TM4SF19: variants seen among roughly 807,000 people sequenced by gnomAD.
TM4SF19 encodes the protein transmembrane 4 L six family member 19, also known as transmembrane 4 L6 family member 19.
A neutral mutation model predicts 21.8 loss-of-function variants in TM4SF19; 17 were observed. The ratio of observed to expected loss-of-function variants is 0.78; its 90% CI spans 0.53 to 1.17. The LOEUF is 1.17. Ranked by LOEUF, TM4SF19 falls within the 50% of genes most tolerant of loss-of-function variation. The pLI is 0.00. For missense variants in TM4SF19, 216 were observed against 252.1 expected (o/e 0.86, Z 0.97); for synonymous variants, 107 against 106.7 (o/e 1.00, Z -0.02).
chr3:196,335,572 C>T (rs1403607666), intron 1 of TM4SF19, among the ~76,000 whole-genome samples: 2 of 150,738 alleles, frequency 1.3e-5, no homozygotes, highest in East Asian at 3.9e-4. Flanking sequence ...GTGACTCCTA[C>T]CCCAGGGGCC....
At chr3:196,332,792 C>T (rs1279760973) in intron 1 of TM4SF19, among the ~76,000 whole-genome samples, 1 of 151,066 alleles carries the variant, frequency 6.6e-6, no homozygotes, top group Non-Finnish European at 1.5e-5. Context: ...GTTCAAAAGG[C>T]ATTTAATGCT....
At chr3:196,335,434 T>G (rs1577414480) in intron 1 of TM4SF19, among the ~76,000 whole-genome samples, 7 of 30,560 alleles carry the variant, frequency 2.3e-4, no homozygotes, top group Non-Finnish European at 1.8e-4. Flanking sequence ...CCTGGGAGGG[T>G]GTGGGTAGGA....
intron 1 of TM4SF19, among the ~76,000 whole-genome samples, chr3:196,333,240 A>T (rs1727596171): frequency 1.3e-5 from 2 of 152,222 alleles, no homozygotes; most frequent in African/African-American, 4.8e-5. Flanking sequence ...TTCACTGATG[A>T]TGGAGTTAGG....
chr3:196,324,196 G>A (rs1322437512), intron 4 of TM4SF19, 75 bp downstream of exon 4: 3 of 1,550,718 alleles, frequency 1.9e-6, no homozygotes, highest in Non-Finnish European at 1.8e-6. Context: ...GGAGCTTGTA[G>A]TTCGTCTGTG....
In TM4SF19 at chr3:196,338,324, C is replaced by A. The variant is rs1277411283; in HGVS notation, c.-62G>T. 1 of 152,290 alleles carries A rather than the reference C, an allele frequency of 6.6e-6. No individual in the cohort carries two copies. Among genetic ancestry groups the A allele is most frequent in the African/African-American group, 2.4e-5 (1 of 41,442 alleles). 9.4% of individuals were successfully genotyped at this position (152,290 alleles called of 1,614,324 possible). On this transcript the variant is annotated 5_prime_UTR_variant, in exon 1 of 5. Transcript: ENST00000273695. ...AGAACCTGGAGAAAGGCTGCGTCTT[C>A]AGAGTGGGGCTCCACTCCTCCAGCT...
chr3:196,331,573 A>G (rs1435554057), intron 1 of TM4SF19, among the ~76,000 whole-genome samples: 1 of 150,708 alleles, frequency 6.6e-6, no homozygotes, highest in African/African-American at 2.4e-5. Flanking sequence ...AGATCACCTG[A>G]GGTCAGGAGT....
At chr3:196,335,769 G>A (rs939058848) in intron 1 of TM4SF19, among the ~76,000 whole-genome samples, 1 of 152,024 alleles carries the variant, frequency 6.6e-6, no homozygotes, top group Non-Finnish European at 1.5e-5. Context: ...CGATGTCCCC[G>A]CATGTCTGCA....
At chr3:196,324,224 C>T (rs1029369677) in intron 4 of TM4SF19, 47 bp downstream of exon 4, 38 of 1,596,548 alleles carry the variant, frequency 2.4e-5, no homozygotes, top group Non-Finnish European at 2.7e-5. Flanking sequence ...TTGTCTCTCT[C>T]TCTCTCTCTG....
chr3:196,335,985 G>A (rs1157357196), intron 1 of TM4SF19, among the ~76,000 whole-genome samples: 1 of 152,100 alleles, frequency 6.6e-6, no homozygotes, highest in Non-Finnish European at 1.5e-5. Context: ...AGGAGACGCC[G>A]TTGTGCAGGA....
intron 1 of TM4SF19, among the ~76,000 whole-genome samples, chr3:196,327,853 C>G (rs1187869584): frequency 1.3e-5 from 2 of 152,186 alleles, no homozygotes; most frequent in African/African-American, 2.4e-5. Flanking sequence ...GTTTATGCCT[C>G]TATTACAGCC....
intron 3 of TM4SF19, chr3:196,324,651 G>A: frequency 1.7e-6 from 1 of 572,126 alleles, no homozygotes; most frequent in Non-Finnish European, 3.1e-6. Flanking sequence ...AACCCATGGT[G>A]GGGAGGCCGT....
At chr3:196,328,386 G>GCTAAACT (rs1727390157) in intron 1 of TM4SF19, among the ~76,000 whole-genome samples, 1 of 151,784 alleles carries the variant, frequency 6.6e-6, no homozygotes, top group Non-Finnish European at 1.5e-5. Context: ...AGAATTAACA[G>GCTAAACT]GTGAGTTTAG....
At chr3:196,333,928 G>A (rs1466188484) in intron 1 of TM4SF19, among the ~76,000 whole-genome samples, 1 of 152,066 alleles carries the variant, frequency 6.6e-6, no homozygotes, top group African/African-American at 2.4e-5. Context: ...GGGAATGGTG[G>A]TGTGCGCCTG....
chr3:196,331,298 C>CAT lies in TM4SF19; in HGVS notation c.-1-3709_-1-3708dup, dbSNP rs140862125. Reference sequence around the variant, plus strand: ...TCTAAAAAAAAAATATATATATATACATATATATATGAATTAAAATAGGAC... The same window carrying CAT: ...TCTAAAAAAAAAATATATATATATACATATATATATATGAATTAAAATAGGAC... On this transcript the variant is annotated intron_variant, in intron 1 of 4. Coordinates refer to ENST00000273695, the MANE Select transcript of TM4SF19 (RefSeq NM_138461.4). Among the ~76,000 whole-genome samples, 1,242 of 149,028 alleles carry CAT rather than the reference C, an allele frequency of 8.3e-3. 12 individuals are homozygous for CAT. Among genetic ancestry groups the CAT allele is most frequent in the African/African-American group, 0.029 (1,177 of 40,710 alleles).
chr3:196,324,090 G>T, intron 4 of TM4SF19, 93 bp from the exon 5 acceptor site: 1 of 1,495,358 alleles, frequency 6.7e-7, no homozygotes, highest in South Asian at 1.2e-5. Context: ...TCCCCTGACC[G>T]GGTCATGGGA....
At chr3:196,330,135 G>A (rs114545375) in intron 1 of TM4SF19, among the ~76,000 whole-genome samples, 27 of 133,722 alleles carry the variant, frequency 2.0e-4, no homozygotes, top group East Asian at 3.8e-4. Flanking sequence ...GCCTCCCACC[G>A]CGCGCGGTGG....
chr3:196,323,775 G>A lies in TM4SF19; in HGVS notation c.*42C>T, dbSNP rs201476999. 128 of 1,614,076 alleles carry A rather than the reference G, an allele frequency of 7.9e-5. No homozygotes were observed. The highest frequency in any genetic ancestry group is 3.3e-4 in the Middle Eastern group (2 of 6,062). ...CTTGTAGAAAGGATTCAAGACAGCCGATGATGAAAACACCCATGCTTGCAA... is the reference window on the plus strand; with the variant it reads ...CTTGTAGAAAGGATTCAAGACAGCCAATGATGAAAACACCCATGCTTGCAA... On this transcript the variant is annotated 3_prime_UTR_variant, in exon 5 of 5. Coordinates refer to ENST00000273695, the MANE Select transcript of TM4SF19 (RefSeq NM_138461.4).
rs1200292644 is a variant in TM4SF19, at chr3:196,325,705, G to C, written c.279+1250C>G. ...GACTCTGAGTTAAAGGAGTCAAGAT[G>C]AATCAGTAAGCCTAGGGCAGTGGTT... is the stretch of plus-strand genomic sequence containing the variant. On this transcript the variant is annotated intron_variant, in intron 3 of 4. Transcript: ENST00000273695. This position sits in a 1 kb window ranked among gnomAD's most constrained non-coding sequence, Gnocchi z 4.3. The C allele has an allele frequency of 1.3e-5, 2 of 152,174 alleles. No individual in the cohort carries two copies. The highest frequency in any genetic ancestry group is 2.9e-5 in the Non-Finnish European group (2 of 68,018). The allele number at this position is 152,174 out of a possible 1,614,324, so 9.4% of individuals were successfully genotyped here.
At chr3:196,326,097 C>T (rs1283579178) in intron 3 of TM4SF19, among the ~76,000 whole-genome samples, 2 of 152,172 alleles carry the variant, frequency 1.3e-5, no homozygotes, top group Non-Finnish European at 2.9e-5. Context: ...GCCTCAGCCT[C>T]CTGAGTTGCT....
Sources: gnomAD v4.1 joint callset for allele counts (sites outside exome capture counted in the v4.1 genomes callset) on GRCh38, gnomAD v4.1.1 for gene constraint, Gnocchi (gnomAD v3.1) non-coding constraint, MANE v1.5 for transcripts, NCBI Gene and HGNC (gene_info 2026-07-23, HGNC 2026-07-21) for gene names.